Variants in ARHGAP6 observed in about 807,000 individuals in gnomAD.
ARHGAP6 encodes Rho GTPase activating protein 6.
Under a neutral mutation model 55.7 loss-of-function variants are expected in ARHGAP6, and 16 were observed. The ratio of observed to expected loss-of-function variants is 0.29; its 90% confidence interval spans 0.19 to 0.44. The LOEUF is 0.44. Ranked by LOEUF, ARHGAP6 falls within the 20% of genes least tolerant of loss-of-function variation. ARHGAP6 has a pLI of 1.00. For missense variants in ARHGAP6, 698 were observed against 808.9 expected, an observed-to-expected ratio of 0.86 and a Z score of 1.66; for synonymous variants, 382 against 360.9, an observed-to-expected ratio of 1.06 and a Z score of -0.66.
intron 1 of ARHGAP6, among the ~76,000 whole-genome samples, chrX:11,483,639 C>T (rs2050480976): frequency 9.7e-6 from 1 of 102,935 alleles, no homozygotes. Flanking sequence ...GTGAGATAAT[C>T]AAATGTTTTT....
At chrX:11,285,614 C>T (rs2047912883) in intron 1 of ARHGAP6, among the ~76,000 whole-genome samples, 1 of 111,945 alleles carries the variant, frequency 8.9e-6, no homozygotes, top group South Asian at 3.8e-4. Flanking sequence ...TTTGAGAGAA[C>T]ACTTCCTTTA....
chrX:11,552,838 T>C lies in ARHGAP6; in HGVS notation c.588+111403A>G, dbSNP rs920311458. Among the ~76,000 whole-genome samples, 4 of 106,733 alleles carry C rather than the reference T, an allele frequency of 3.7e-5. No individual in the cohort carries two copies. The East Asian group carries it at 1.2e-3, about 32-fold the overall frequency. 92.7% of individuals were successfully genotyped at this position (106,733 alleles called of 115,157 possible). ...AGGGGCTGGAGATGGAGAGGGAGGA[T>C]TGGAAGATGTTGGTCAAAGGATACA... On this transcript the variant is annotated intron_variant, in intron 1 of 12. Transcript: ENST00000337414.
intron 2 of ARHGAP6, among the ~76,000 whole-genome samples, chrX:11,218,584 C>T (rs138101988): frequency 0.032 from 3,557 of 111,003 alleles, 142 homozygotes; most frequent in African/African-American, 0.11. Context: ...TGTGAATCCG[C>T]CTGATCCTGG....
At chrX:11,333,383 G>T (rs953423405) in intron 1 of ARHGAP6, among the ~76,000 whole-genome samples, 2 of 111,773 alleles carry the variant, frequency 1.8e-5, no homozygotes, top group Non-Finnish European at 3.8e-5. Context: ...TCTTGCTCCT[G>T]CCATGTGAAG....
intron 1 of ARHGAP6, among the ~76,000 whole-genome samples, chrX:11,630,010 AGTGT>A (rs201976499): frequency 0.12 from 13,400 of 107,385 alleles, 774 homozygotes; most frequent in Middle Eastern, 0.23. Flanking sequence ...TCCCCCAACT[AGTGT>A]GTGTGTGTGT....
chrX:11,637,237 T>A (rs1321498672), intron 1 of ARHGAP6, among the ~76,000 whole-genome samples: 1 of 111,155 alleles, frequency 9.0e-6, no homozygotes, highest in Non-Finnish European at 1.9e-5. Context: ...ATCCATTACT[T>A]AGCATGTCAT....
chrX:11,602,787 G>C (rs2051992402), intron 1 of ARHGAP6, among the ~76,000 whole-genome samples: 3 of 112,179 alleles, frequency 2.7e-5, no homozygotes, highest in African/African-American at 9.7e-5. Flanking sequence ...CTAAACCTCT[G>C]TGTGGTCAAT....
chrX:11,347,217 C>A (rs1346127077), intron 1 of ARHGAP6, among the ~76,000 whole-genome samples: 2 of 112,115 alleles, frequency 1.8e-5, no homozygotes, highest in African/African-American at 6.5e-5. Flanking sequence ...GAAAAGTAAT[C>A]TTTTCTTTCA....
intron 1 of ARHGAP6, among the ~76,000 whole-genome samples, chrX:11,614,723 G>A (rs972988422): frequency 8.9e-6 from 1 of 111,917 alleles, no homozygotes; most frequent in South Asian, 3.7e-4. Flanking sequence ...AGTGACAAAC[G>A]TAGCACATGT....
At chrX:11,162,705 C>CG (rs59521437) in intron 9 of ARHGAP6, among the ~76,000 whole-genome samples, 19,893 of 111,105 alleles carry the variant, frequency 0.18, 1,363 homozygotes, top group Middle Eastern at 0.27. Flanking sequence ...TTTCTCTCTA[C>CG]TTATCAGTGG....
At chrX:11,604,754 A>G (rs1391644826) in intron 1 of ARHGAP6, among the ~76,000 whole-genome samples, 3 of 112,376 alleles carry the variant, frequency 2.7e-5, no homozygotes, top group African/African-American at 6.5e-5. Flanking sequence ...TCAGGCAGAA[A>G]GAAGAGTTGA....
intron 1 of ARHGAP6, among the ~76,000 whole-genome samples, chrX:11,520,334 C>T (rs1318964286): frequency 9.8e-6 from 1 of 102,443 alleles, no homozygotes; most frequent in African/African-American, 3.6e-5. Context: ...ACAACAGGCC[C>T]CAGTGTGTGA....
intron 1 of ARHGAP6, among the ~76,000 whole-genome samples, chrX:11,572,419 A>G (rs2147108355): frequency 9.2e-6 from 1 of 108,929 alleles, no homozygotes; most frequent in East Asian, 2.9e-4. Flanking sequence ...ATTTCCACCT[A>G]TGAGTGAGAA....
At chrX:11,414,184 A>T (rs1318195205) in intron 1 of ARHGAP6, among the ~76,000 whole-genome samples, 1 of 112,344 alleles carries the variant, frequency 8.9e-6, no homozygotes, top group Non-Finnish European at 1.9e-5. Context: ...CCAAAGAGTA[A>T]ACATTTTAGG....
intron 1 of ARHGAP6, among the ~76,000 whole-genome samples, chrX:11,305,294 T>A (rs1603049591): frequency 8.9e-6 from 1 of 111,861 alleles, no homozygotes; most frequent in African/African-American, 3.3e-5. Context: ...ATCAAAACTA[T>A]CCTGTTAAAA....
chrX:11,627,843 G>A (rs749938132), intron 1 of ARHGAP6, among the ~76,000 whole-genome samples: 7 of 111,855 alleles, frequency 6.3e-5, no homozygotes, highest in African/African-American at 2.3e-4. Context: ...GATTGCTATG[G>A]TAGACATCAT....
At chrX:11,543,976 A>T (rs1475677852) in intron 1 of ARHGAP6, among the ~76,000 whole-genome samples, 1 of 112,874 alleles carries the variant, frequency 8.9e-6, no homozygotes, top group African/African-American at 3.2e-5. Flanking sequence ...CCAATTTTGT[A>T]AGAACAAGTG....
chrX:11,293,466 A>T (rs2048028190), intron 1 of ARHGAP6: 1 of 112,287 alleles, frequency 8.9e-6, no homozygotes, highest in South Asian at 3.7e-4. Context: ...AATACATTCA[A>T]AGGTATGTGG....
At chrX:11,174,518 T>TTCCTTCC in intron 8 of ARHGAP6, among the ~76,000 whole-genome samples, 1 of 69,534 alleles carries the variant, frequency 1.4e-5, no homozygotes. Context: ...TCTTTCTTTC[T>TTCCTTCC]TTCCTTCCTT....
Sources: gnomAD v4.1 joint callset for allele counts (sites outside exome capture counted in the v4.1 genomes callset) on GRCh38, gnomAD v4.1.1 for gene constraint, MANE v1.5 for transcripts, NCBI Gene and HGNC (gene_info 2026-07-23, HGNC 2026-07-21) for gene names.